Variants in BMP5 observed in about 807,000 individuals in gnomAD.
BMP5 encodes the protein bone morphogenetic protein 5.
BMP5 carries 23 observed loss-of-function variants against 46.6 expected under a neutral mutation model. The ratio of observed to expected loss-of-function variants is 0.49; its 90% CI spans 0.35 to 0.70. BMP5 has a LOEUF of 0.70. Ranked by LOEUF, BMP5 falls within the 30% of genes least tolerant of loss-of-function variation. The pLI is 0.00. For missense variants in BMP5, 545 were observed against 565.6 expected, an observed-to-expected ratio of 0.96 and a Z score of 0.37; for synonymous variants, 204 against 191.9, an observed-to-expected ratio of 1.06 and a Z score of -0.52.
intron 1 of BMP5, among the ~76,000 whole-genome samples, chr6:55,872,396 A>G (rs971960925): frequency 3.3e-5 from 5 of 151,704 alleles, no homozygotes; most frequent in African/African-American, 1.2e-4. Flanking sequence ...CTTATAGCTA[A>G]TATTGTTTCT....
At chr6:55,800,605 T>C (rs1334168626) in intron 2 of BMP5, among the ~76,000 whole-genome samples, 1 of 152,154 alleles carries the variant, frequency 6.6e-6, no homozygotes, top group African/African-American at 2.4e-5. Flanking sequence ...TTCCTCTATT[T>C]TTCTAGTCAG....
At chr6:55,775,240 A>C (rs949852070) in intron 3 of BMP5, among the ~76,000 whole-genome samples, 2 of 151,948 alleles carry the variant, frequency 1.3e-5, no homozygotes, top group Admixed American at 6.6e-5. Flanking sequence ...AAACTATGTC[A>C]AATCACTTTG....
chr6:55,806,162 G>A (rs979390127), intron 2 of BMP5, among the ~76,000 whole-genome samples: 1 of 152,098 alleles, frequency 6.6e-6, no homozygotes, highest in Non-Finnish European at 1.5e-5. Flanking sequence ...GTCCTGAATG[G>A]TATTGCCTAG....
At chr6:55,761,022 C>T (rs1398988238) in intron 4 of BMP5, among the ~76,000 whole-genome samples, 1 of 152,008 alleles carries the variant, frequency 6.6e-6, no homozygotes, top group Non-Finnish European at 1.5e-5. Context: ...ACAAGTTGAG[C>T]TTCTAATCAT....
At chr6:55,773,011 T>C in intron 4 of BMP5, 1 of 747,244 alleles carries the variant, frequency 1.3e-6, no homozygotes, top group Non-Finnish European at 1.6e-6. Context: ...GACCTGTCAT[T>C]TTCAAGTAAC....
intron 2 of BMP5, among the ~76,000 whole-genome samples, chr6:55,802,384 A>T (rs1470424153): frequency 6.6e-6 from 1 of 152,200 alleles, no homozygotes; most frequent in African/African-American, 2.4e-5. Context: ...CTACCACAAT[A>T]TGAGTAATGA....
intron 1 of BMP5, among the ~76,000 whole-genome samples, chr6:55,845,623 A>G (rs760297205): frequency 6.6e-6 from 1 of 152,018 alleles, no homozygotes; most frequent in Non-Finnish European, 1.5e-5. Context: ...CTTGATTAAA[A>G]TATGAAGTTG....
intron 2 of BMP5, among the ~76,000 whole-genome samples, chr6:55,802,238 A>G (rs1419929629): frequency 6.6e-6 from 1 of 152,154 alleles, no homozygotes; most frequent in Admixed American, 6.5e-5. Flanking sequence ...CCATGGCAAT[A>G]GTTCTATTAA....
chr6:55,833,647 A>G (rs1372720219), intron 1 of BMP5, among the ~76,000 whole-genome samples: 1 of 152,198 alleles, frequency 6.6e-6, no homozygotes, highest in Non-Finnish European at 1.5e-5. Context: ...AGGGCTAAAA[A>G]AGCTCATTAA....
At chr6:55,786,383 G>A (rs1047027325) in intron 3 of BMP5, among the ~76,000 whole-genome samples, 6 of 151,636 alleles carry the variant, frequency 4.0e-5, no homozygotes, top group Non-Finnish European at 7.4e-5. Flanking sequence ...TCCTAGACAA[G>A]AAGTCAACTA....
intron 1 of BMP5, among the ~76,000 whole-genome samples, chr6:55,860,586 A>AAG (rs151303263): frequency 2.0e-5 from 3 of 151,316 alleles, no homozygotes; most frequent in Admixed American, 6.6e-5. Flanking sequence ...GCTAAAGGTA[A>AAG]AGAGAGAGAG....
At chr6:55,799,992 G>T (rs1459667298) in intron 2 of BMP5, among the ~76,000 whole-genome samples, 2 of 152,030 alleles carry the variant, frequency 1.3e-5, no homozygotes, top group Non-Finnish European at 2.9e-5. Flanking sequence ...TTGCATTGTG[G>T]ATATAACATT....
At chr6:55,783,428 C>T (rs1775373869) in intron 3 of BMP5, among the ~76,000 whole-genome samples, 1 of 151,960 alleles carries the variant, frequency 6.6e-6, no homozygotes, top group South Asian at 2.1e-4. Flanking sequence ...TTATTACCCG[C>T]ATGCCAAAAT....
intron 1 of BMP5, among the ~76,000 whole-genome samples, chr6:55,825,761 T>C (rs1172832488): frequency 2.0e-5 from 3 of 151,918 alleles, no homozygotes; most frequent in Non-Finnish European, 4.4e-5. Flanking sequence ...TGTAGTGATT[T>C]ATCTGCAGTT....
At chr6:55,796,910 A>G (rs990514262) in intron 2 of BMP5, among the ~76,000 whole-genome samples, 2 of 152,192 alleles carry the variant, frequency 1.3e-5, no homozygotes, top group Admixed American at 6.5e-5. Flanking sequence ...AAAAAGAGCC[A>G]TATATTTCTA....
intron 3 of BMP5, among the ~76,000 whole-genome samples, chr6:55,781,188 A>C (rs1301847146): frequency 6.6e-6 from 1 of 152,136 alleles, no homozygotes; most frequent in African/African-American, 2.4e-5. Context: ...AGTTGGTCTT[A>C]TAGCCCTCAT....
At chr6:55,780,372 G>A (rs1775280499) in intron 3 of BMP5, among the ~76,000 whole-genome samples, 1 of 147,308 alleles carries the variant, frequency 6.8e-6, no homozygotes, top group Non-Finnish European at 1.5e-5. Context: ...TGTAATCCCA[G>A]CACTTTGGGA....
chr6:55,767,620 C>T (rs1774946305), intron 4 of BMP5, among the ~76,000 whole-genome samples: 1 of 151,852 alleles, frequency 6.6e-6, no homozygotes, highest in South Asian at 2.1e-4. Flanking sequence ...CTATATGCAT[C>T]AACATACTTG....
intron 2 of BMP5, among the ~76,000 whole-genome samples, chr6:55,807,699 T>C (rs1212174480): frequency 6.6e-6 from 1 of 152,188 alleles, no homozygotes; most frequent in Non-Finnish European, 1.5e-5. Flanking sequence ...CTGGTTTTTT[T>C]TCGGTTGGTA....
Sources: gnomAD v4.1 joint callset for allele counts (sites outside exome capture counted in the v4.1 genomes callset) on GRCh38, gnomAD v4.1.1 for gene constraint, MANE v1.5 for transcripts, NCBI Gene and HGNC (gene_info 2026-07-23, HGNC 2026-07-21) for gene names.